The following BANK1 variants were observed in gnomAD, a reference collection of about 807,000 sequenced individuals.
BANK1 encodes B cell scaffold protein with ankyrin repeats 1.
In BANK1, 95 loss-of-function variants were observed where a neutral mutation model predicts 94.5. That is an observed-to-expected ratio of 1.00 (90% CI 0.85 to 1.19). The LOEUF (loss-of-function observed/expected upper bound fraction) is 1.19, where lower values mean the gene tolerates loss of function less well. Ranked by LOEUF, BANK1 falls within the 50% of genes most tolerant of loss-of-function variation. BANK1 has a pLI of 0.00. For missense variants in BANK1, 987 were observed against 932.2 expected, an observed-to-expected ratio of 1.06 and a Z score of -0.77; for synonymous variants, 334 against 308.4, an observed-to-expected ratio of 1.08 and a Z score of -0.87.
chr4:101,899,445 A>C (rs942432884), intron 6 of BANK1, among the ~76,000 whole-genome samples: 5 of 152,318 alleles, frequency 3.3e-5, no homozygotes, highest in Non-Finnish European at 7.4e-5. Context: ...TAATAATTTT[A>C]GCATATTCTC....
rs1726276195 is a variant in BANK1, at chr4:102,006,825, G to T, written c.1207-14689G>T. Among the ~76,000 whole-genome samples, 3 of 150,938 alleles carry T rather than the reference G, an allele frequency of 2.0e-5. No individual in the cohort carries two copies. In the South Asian group the frequency reaches 6.3e-4, roughly 31 times the overall value. ...CCTGGCCCACACTTGTTTAGCTAGT[G>T]CAGTTCTGATTCACAAAAGTATAAC... is the stretch of plus-strand genomic sequence containing the variant. On this transcript the variant is annotated intron_variant, in intron 7 of 16. Transcript: ENST00000322953.
At chr4:102,035,512 G>A (rs1247445694) in intron 10 of BANK1, among the ~76,000 whole-genome samples, 1 of 152,098 alleles carries the variant, frequency 6.6e-6, no homozygotes, top group Non-Finnish European at 1.5e-5. Context: ...GCCGGGCATG[G>A]TGGCGGGTGC....
chr4:101,873,264 A>G (rs980456294), intron 5 of BANK1, among the ~76,000 whole-genome samples: 5 of 152,156 alleles, frequency 3.3e-5, no homozygotes, highest in Non-Finnish European at 5.9e-5. Flanking sequence ...AAAATAACCT[A>G]CTTACTTAGC....
At chr4:101,842,679 G>A (rs1727098182) in intron 2 of BANK1, among the ~76,000 whole-genome samples, 1 of 152,070 alleles carries the variant, frequency 6.6e-6, no homozygotes, top group African/African-American at 2.4e-5. Context: ...CTATGTGTTT[G>A]GGTTTTTATA....
chr4:102,050,347 C>T (rs1006660619), intron 11 of BANK1, among the ~76,000 whole-genome samples: 2 of 152,162 alleles, frequency 1.3e-5, no homozygotes, highest in African/African-American at 4.8e-5. Context: ...TCCACCCTAA[C>T]CAACTGCCTA....
intron 11 of BANK1, among the ~76,000 whole-genome samples, chr4:102,046,856 A>G (rs1727896249): frequency 6.6e-6 from 1 of 152,140 alleles, no homozygotes; most frequent in African/African-American, 2.4e-5. Flanking sequence ...TTCAATGTTC[A>G]AAAATGAAAA....
intron 7 of BANK1, among the ~76,000 whole-genome samples, chr4:101,994,958 T>A (rs2148933633): frequency 6.6e-6 from 1 of 152,172 alleles, no homozygotes; most frequent in East Asian, 1.9e-4. Flanking sequence ...GCCTCTTTTT[T>A]AAAATTATAC....
intron 7 of BANK1, among the ~76,000 whole-genome samples, chr4:101,949,419 G>C (rs1724055433): frequency 6.6e-6 from 1 of 152,084 alleles, no homozygotes; most frequent in South Asian, 2.1e-4. Context: ...GCCTTAATTA[G>C]AACCCTAATG....
intron 13 of BANK1, 44 bp downstream of exon 13, chr4:102,063,182 C>A: frequency 6.5e-7 from 1 of 1,542,336 alleles, no homozygotes; most frequent in Non-Finnish European, 9.0e-7. Context: ...AGAGTGATTA[C>A]GTTGAAAATT....
chr4:101,886,616 T>C (rs1365206665), intron 5 of BANK1, among the ~76,000 whole-genome samples: 1 of 152,224 alleles, frequency 6.6e-6, no homozygotes, highest in Non-Finnish European at 1.5e-5. Flanking sequence ...CATGGTTCTT[T>C]TGATTTCTTT....
At chr4:101,919,501 G>C (rs932623059) in intron 7 of BANK1, among the ~76,000 whole-genome samples, 5 of 151,756 alleles carry the variant, frequency 3.3e-5, no homozygotes, top group African/African-American at 1.2e-4. Context: ...GATGGATGTG[G>C]GATATAATTT....
chr4:101,815,589 T>A (rs1233937747), intron 1 of BANK1, among the ~76,000 whole-genome samples: 2 of 152,154 alleles, frequency 1.3e-5, no homozygotes, highest in Admixed American at 6.6e-5. Context: ...GTACTGAAAT[T>A]ATTATTGATA....
intron 7 of BANK1, among the ~76,000 whole-genome samples, chr4:101,981,409 CT>C (rs1421677509): frequency 6.6e-6 from 1 of 151,932 alleles, no homozygotes; most frequent in Non-Finnish European, 1.5e-5. Flanking sequence ...ATTTTGTGTT[CT>C]AGGAATAAAT....
intron 2 of BANK1, among the ~76,000 whole-genome samples, chr4:101,841,758 A>G (rs1015520451): frequency 3.4e-5 from 5 of 144,982 alleles, no homozygotes; most frequent in African/African-American, 5.0e-5. Context: ...TATATCTCCC[A>G]ATGCTATCCC....
chr4:101,994,184 C>CA (rs544287073), intron 7 of BANK1, among the ~76,000 whole-genome samples: 6 of 152,240 alleles, frequency 3.9e-5, no homozygotes, highest in African/African-American at 1.4e-4. Flanking sequence ...GAGACTTTAA[C>CA]AAAAGGAACA....
intron 7 of BANK1, among the ~76,000 whole-genome samples, chr4:101,954,255 A>G (rs1461852810): frequency 6.6e-6 from 1 of 152,068 alleles, no homozygotes; most frequent in African/African-American, 2.4e-5. Context: ...CAAAGACTCT[A>G]TCTTCAAATA....
chr4:101,964,818 G>T (rs999757699), intron 7 of BANK1, among the ~76,000 whole-genome samples: 3 of 151,762 alleles, frequency 2.0e-5, no homozygotes, highest in Non-Finnish European at 4.4e-5. Context: ...ACAATGTGCA[G>T]GTTAGTTACA....
At chr4:101,941,219 G>C (rs1723731947) in intron 7 of BANK1, among the ~76,000 whole-genome samples, 1 of 151,646 alleles carries the variant, frequency 6.6e-6, no homozygotes, top group Non-Finnish European at 1.5e-5. Flanking sequence ...GGTGGGGCGG[G>C]GGTGGAGTTG....
chr4:101,850,262 T>G (rs763132235), intron 2 of BANK1, among the ~76,000 whole-genome samples: 17 of 152,054 alleles, frequency 1.1e-4, no homozygotes, highest in African/African-American at 3.1e-4. Flanking sequence ...TGTTTGTTTG[T>G]TTGTTTGGTT....
Sources: gnomAD v4.1 joint callset for allele counts (sites outside exome capture counted in the v4.1 genomes callset) on GRCh38, gnomAD v4.1.1 for gene constraint, MANE v1.5 for transcripts, NCBI Gene and HGNC (gene_info 2026-07-23, HGNC 2026-07-21) for gene names.